RCL1: variants seen among roughly 807,000 people sequenced by gnomAD.
RCL1 encodes RNA terminal phosphate cyclase like 1.
In RCL1, 24 loss-of-function variants were observed where a neutral mutation model predicts 42.4. The ratio of observed to expected loss-of-function variants is 0.57; its 90% CI spans 0.41 to 0.80. The LOEUF (loss-of-function observed/expected upper bound fraction) is 0.80. RCL1 is among the 30% of genes least tolerant of loss of function. RCL1 has a pLI of 0.00. For missense variants in RCL1, 578 were observed against 467.9 expected (o/e 1.24, Z -2.17); for synonymous variants, 228 against 177.3 (o/e 1.29, Z -2.27).
intron 3 of RCL1, among the ~76,000 whole-genome samples, chr9:4,832,534 G>C (rs966912075): frequency 3.3e-5 from 5 of 151,856 alleles, no homozygotes; most frequent in Non-Finnish European, 7.4e-5. Context: ...CTCCAGGCTG[G>C]GTGTGGTGGC....
chr9:4,830,404 G>A (rs997845975), intron 3 of RCL1, among the ~76,000 whole-genome samples: 1 of 152,130 alleles, frequency 6.6e-6, no homozygotes, highest in African/African-American at 2.4e-5. Context: ...AGTCCAGAGG[G>A]GATAAGGATT....
At chr9:4,794,168 C>A (rs1005842847) in intron 1 of RCL1, among the ~76,000 whole-genome samples, 1 of 152,302 alleles carries the variant, frequency 6.6e-6, no homozygotes, top group South Asian at 2.1e-4. Context: ...GCTTCCTGAG[C>A]GGCGCTGATG....
At chr9:4,808,628 G>A (rs1816063442) in intron 1 of RCL1, among the ~76,000 whole-genome samples, 1 of 152,134 alleles carries the variant, frequency 6.6e-6, no homozygotes, top group South Asian at 2.1e-4. Flanking sequence ...TGAAAGAAAT[G>A]CTCTAGTAAA....
chr9:4,844,321 G>A (rs1002150985), intron 6 of RCL1, among the ~76,000 whole-genome samples: 4 of 152,144 alleles, frequency 2.6e-5, no homozygotes, highest in African/African-American at 9.7e-5. Context: ...TTAAAATTTT[G>A]TGGAGAGATG....
intron 1 of RCL1, among the ~76,000 whole-genome samples, chr9:4,814,019 C>T (rs1816279432): frequency 6.6e-6 from 1 of 152,078 alleles, no homozygotes; most frequent in Admixed American, 6.6e-5. Flanking sequence ...TGGGGAACTT[C>T]ACACACCGGG....
intron 1 of RCL1, among the ~76,000 whole-genome samples, chr9:4,811,968 C>A (rs1816193105): frequency 6.6e-6 from 1 of 152,156 alleles, no homozygotes; most frequent in Non-Finnish European, 1.5e-5. Context: ...AGCACTTTTT[C>A]ATATACCTGT....
In RCL1 at chr9:4,860,268, T is replaced by G. The variant is rs1818125641; in HGVS notation, c.1115T>G (p.Leu372Arg). The G allele has an allele frequency of 1.9e-6, 3 of 1,612,662 alleles. No individual in the cohort carries two copies. The East Asian group carries it at 6.7e-5, about 36-fold the overall frequency. The change falls in exon 9 of 9, where the codon CTC becomes CGC. Residue 372 changes from leucine (L) to arginine (R), a missense_variant. By Grantham distance (102) the Leu-to-Arg change is moderately radical. Transcript: ENST00000381750. ...GGTTTCTCCAACCTTAGCAAGACCC[T>G]CAAGTGATAACCATCACAAGATAAG... ...GIGFSNLSKT[L>R]K
chr9:4,809,332 A>G (rs1816088571), intron 1 of RCL1, among the ~76,000 whole-genome samples: 1 of 151,772 alleles, frequency 6.6e-6, no homozygotes, highest in South Asian at 2.1e-4. Flanking sequence ...TTTTTTTTAA[A>G]TGGAGTCTTG....
Position 4,855,268 on chromosome 9 carries a change from C to G in RCL1, c.972-4857C>G, listed in dbSNP as rs147893782. Among the ~76,000 whole-genome samples, 547 of 151,992 alleles carry G rather than the reference C, an allele frequency of 3.6e-3. 3 individuals are homozygous for G. The highest frequency in any genetic ancestry group is 0.012 in the African/African-American group (507 of 41,448). ...CTTTACACAGGAGTTGCATAGAGCC[C>G]CTACTGCCTAGAATGGTTCTTCTGA... On this transcript the variant is annotated intron_variant, in intron 8 of 8. Coordinates refer to ENST00000381750, the MANE Select transcript of RCL1 (RefSeq NM_005772.5).
chr9:4,826,171 C>T (rs956019378), intron 2 of RCL1, among the ~76,000 whole-genome samples: 1 of 152,130 alleles, frequency 6.6e-6, no homozygotes. Flanking sequence ...TTGCTTGGCT[C>T]TGGAGGTTGA....
intron 1 of RCL1, among the ~76,000 whole-genome samples, chr9:4,817,885 A>C (rs1268088099): frequency 7.7e-6 from 1 of 129,858 alleles, no homozygotes; most frequent in Non-Finnish European, 1.7e-5. Context: ...CTAAACTCTC[A>C]GTTCATTTTG....
intron 1 of RCL1, among the ~76,000 whole-genome samples, chr9:4,821,683 T>C (rs944865756): frequency 3.9e-5 from 6 of 152,158 alleles, no homozygotes; most frequent in Admixed American, 6.5e-5. Flanking sequence ...TCTTGCTGTG[T>C]TGTCCAGTCT....
intron 6 of RCL1, 35 bp downstream of exon 6, chr9:4,841,392 G>C (rs1487135137): frequency 6.4e-7 from 1 of 1,564,594 alleles, no homozygotes; most frequent in South Asian, 1.1e-5. Flanking sequence ...TGTTTCTGCA[G>C]CTTTTTCACA....
At chr9:4,823,189 G>A (rs530039841) in intron 1 of RCL1, among the ~76,000 whole-genome samples, 26 of 151,730 alleles carry the variant, frequency 1.7e-4, no homozygotes, top group African/African-American at 5.8e-4. Context: ...CTGTTTCTCC[G>A]TTATTTGGCA....
At chr9:4,844,743 A>C in intron 7 of RCL1, 62 bp downstream of exon 7, 1 of 1,527,840 alleles carries the variant, frequency 6.5e-7, no homozygotes, top group Non-Finnish European at 8.9e-7. Context: ...TCTCATTCTC[A>C]TCTCTTGGCA....
chr9:4,822,441 C>T (rs1014947434), intron 1 of RCL1, among the ~76,000 whole-genome samples: 1 of 152,120 alleles, frequency 6.6e-6, no homozygotes, highest in African/African-American at 2.4e-5. Context: ...CTTCACTTCT[C>T]CTCCCATAAT....
intron 1 of RCL1, among the ~76,000 whole-genome samples, chr9:4,811,739 A>G (rs1816184419): frequency 6.6e-6 from 1 of 152,196 alleles, no homozygotes; most frequent in African/African-American, 2.4e-5. Context: ...GCTGGATCAT[A>G]TGGTAGTTCA....
At chr9:4,849,656 G>A (rs1817654123) in intron 8 of RCL1, 106 bp downstream of exon 8, 2 of 747,330 alleles carry the variant, frequency 2.7e-6, no homozygotes, top group Non-Finnish European at 4.6e-6. Context: ...ATGAACACCT[G>A]CTTGTGTTTA....
intron 1 of RCL1, among the ~76,000 whole-genome samples, chr9:4,805,222 A>C (rs10974794): frequency 0.32 from 48,381 of 152,024 alleles, 8,029 homozygotes; most frequent in South Asian, 0.42. Flanking sequence ...CAAAACAAAA[A>C]AAACAAACAA....
Sources: gnomAD v4.1 joint callset for allele counts (sites outside exome capture counted in the v4.1 genomes callset) on GRCh38, gnomAD v4.1.1 for gene constraint, MANE v1.5 for transcripts, NCBI Gene and HGNC (gene_info 2026-07-23, HGNC 2026-07-21) for gene names.